Variants in LILRB3 observed in about 807,000 individuals in gnomAD.
LILRB3 encodes the protein leukocyte immunoglobulin-like receptor subfamily B member 3.
A neutral mutation model predicts 68.2 loss-of-function variants in LILRB3; 32 were observed. The observed-to-expected ratio is 0.47, with a 90% CI of 0.35 to 0.63. LILRB3 has a LOEUF of 0.63. LILRB3 is among the 30% of genes least tolerant of loss of function. The probability of loss-of-function intolerance (pLI) is 0.00; values close to 1 mark genes in which losing one functional copy is unlikely to be tolerated. For missense variants in LILRB3, 502 were observed against 791.3 expected (o/e 0.63, Z 4.39); for synonymous variants, 185 against 323.1 (o/e 0.57, Z 4.58).
chr19:54,219,852 C>G lies in LILRB3; in HGVS notation c.1309+303G>C, dbSNP rs921919156. The G allele has an allele frequency of 5.8e-6, 9 of 1,547,362 alleles. No individual in the cohort carries two copies. The African/African-American group carries it at 8.2e-5, about 14-fold the overall frequency. ...CCCTGGACCCCGCCCATCTCCCACT[C>G]AGAGCCCCTCACTCACCATTCTGAG... On this transcript the variant is annotated intron_variant, in intron 7 of 12. Transcript: ENST00000445347.
At chr19:54,216,870 T>G in exon 13 of LILRB3, 1 of 1,427,036 alleles carries the variant, frequency 7.0e-7, no homozygotes, top group Non-Finnish European at 9.1e-7. Flanking sequence ...TTTTTGTTAT[T>G]AACTCATTGA....
Position 54,221,815 on chromosome 19 carries a change from G to A in LILRB3, c.658+13C>T, listed in dbSNP as rs550587817. On this transcript the variant is annotated intron_variant, in intron 4 of 12. Transcript: ENST00000445347. Reference sequence around the variant, plus strand: ...CCCCGAAAGTGTGTTAGACAAGGCCGTGGCTCCCTCACCTGAGGGCAGAAT... The same window carrying A: ...CCCCGAAAGTGTGTTAGACAAGGCCATGGCTCCCTCACCTGAGGGCAGAAT... The A allele has an allele frequency of 1.5e-4, 239 of 1,593,930 alleles. 7 individuals carry two copies. Among genetic ancestry groups the A allele is most frequent in the Admixed American group, 1.3e-3 (77 of 58,840 alleles).
Position 54,218,348 on chromosome 19 carries a change from G to A in LILRB3, c.1593+13C>T. 1.2e-6 allele frequency: 2 copies of A among 1,613,898 alleles called. No homozygotes were observed. The highest frequency in any genetic ancestry group is 2.2e-5 in the South Asian group (2 of 91,068). On this transcript the variant is annotated intron_variant, in intron 11 of 12. Coordinates refer to ENST00000445347, the Ensembl canonical transcript of LILRB3. ...AGGAGGCCTTTGGTGCCTGGGACGGGGCGGGATCTCACCTGACTGTCCAGC... is the reference window on the plus strand; with the variant it reads ...AGGAGGCCTTTGGTGCCTGGGACGGAGCGGGATCTCACCTGACTGTCCAGC...
At chr19:54,222,129 T>C (rs2078247807) in exon 4 of LILRB3, 2 of 1,606,766 alleles carry the variant, frequency 1.2e-6, no homozygotes, top group Non-Finnish European at 8.5e-7. Context: ...TGTTGTAGAA[T>C]CCTAGGAGAG....
At chr19:54,219,331 T>C (rs1363219226) in intron 7 of LILRB3, 86 bp from the exon 8 acceptor site, 13 of 1,491,366 alleles carry the variant, frequency 8.7e-6, no homozygotes, top group Non-Finnish European at 1.2e-5. Flanking sequence ...CTTTCCTTCG[T>C]GACCTCCAAC....
intron 7 of LILRB3, chr19:54,219,830 T>G (rs1479914854): frequency 1.4e-5 from 21 of 1,469,724 alleles, no homozygotes; most frequent in Admixed American, 1.2e-4. Flanking sequence ...CTGCCTCCCC[T>G]GGACCCCGCC....
rs1426330247 is a variant in LILRB3 at position 54,219,264 on chromosome 19, G to T, written c.1310-19C>A. The T allele has an allele frequency of 1.3e-6, 2 of 1,535,716 alleles. No individual in the cohort carries two copies. The highest frequency in any genetic ancestry group is 1.8e-6 in the Non-Finnish European group (2 of 1,141,450). ...CCCAGACCTTGACATGAGGACGTCA[G>T]GAGTGGGAATGATGTCATTGATGTG... is the stretch of plus-strand genomic sequence containing the variant. On this transcript the variant is annotated intron_variant, in intron 7 of 12. Transcript: ENST00000445347.
rs2077773820 is a variant in LILRB3 at position 54,218,966 on chromosome 19, G to GA, written c.1427-129dup. 3.9e-6 allele frequency: 6 copies of GA among 1,532,130 alleles called. 1 individual carries two copies. The highest frequency in any genetic ancestry group is 2.5e-5 in the South Asian group (2 of 80,946). The allele number at this position is 1,532,130 out of a possible 1,614,324, so 94.9% of individuals were successfully genotyped here. A position where few individuals can be genotyped will look rare whatever the true frequency, so the allele number is the denominator to read the frequency against. ...GATGTTCCAAATATTTTATGAGATA[G>GA]AAAAAAACTCCCATGAATACTGAAG... On this transcript the variant is annotated intron_variant, in intron 8 of 12. Coordinates refer to ENST00000445347, the Ensembl canonical transcript of LILRB3.
chr19:54,218,796 T>G lies in LILRB3; in HGVS notation c.1469A>C (p.Glu490Ala), dbSNP rs778477795. 1.1e-5 allele frequency: 17 copies of G among 1,614,108 alleles called. No individual in the cohort carries two copies. In the South Asian group the frequency reaches 1.9e-4, roughly 18 times the overall value. ...CAGGCCCCTGTCCTTGGGCTCTGTC[T>G]CCGCAGCCCCTGCAGGACGCTGGAA... The change falls in exon 9 of 13, where the codon GAG (glutamate) becomes GCG (alanine). Residue 490 changes from glutamate to alanine, a missense_variant. By Grantham distance (107) the Glu-to-Ala change is moderately radical. Around this residue, in one of 8 missense-constraint regions of LILRB3, gnomAD observed 267 missense variants for 245.5 expected, o/e 1.09. Transcript: ENST00000445347.
exon 6 of LILRB3, chr19:54,220,570 G>T (rs1490910902): frequency 7.1e-7 from 1 of 1,406,882 alleles, no homozygotes; most frequent in African/African-American, 1.6e-5. Context: ...AAAGACAGCA[G>T]GTGGGGGTTG....
At chr19:54,219,688 C>G (rs1193624614) in intron 7 of LILRB3, 1 of 984,972 alleles carries the variant, frequency 1.0e-6, no homozygotes, top group African/African-American at 1.7e-5. Flanking sequence ...AGCTGGGGGT[C>G]AGAGCTGAAA....
exon 11 of LILRB3, chr19:54,218,376 C>T: frequency 6.2e-7 from 1 of 1,614,148 alleles, no homozygotes; most frequent in Non-Finnish European, 8.5e-7. Flanking sequence ...TGTCCAGCTC[C>T]ACCCTGTCCT....
exon 10 of LILRB3, chr19:54,218,649 G>A (rs928856422): frequency 1.2e-6 from 2 of 1,614,174 alleles, no homozygotes; most frequent in Non-Finnish European, 1.7e-6. Context: ...TCTTACAGAG[G>A]TTTTCTTCCT....
exon 13 of LILRB3, chr19:54,216,303 TTTTC>T (rs1383825781): frequency 1.3e-5 from 2 of 151,492 alleles, no homozygotes; most frequent in East Asian, 1.9e-4. Flanking sequence ...TTTTTATTTT[TTTTC>T]TTTCTTTTTT....
At position 54,219,259 on chromosome 19, in the gene LILRB3, C is replaced by T. The variant is rs751105494; in HGVS notation, c.1310-14G>A. On this transcript the variant is annotated splice_polypyrimidine_tract_variant and intron_variant, in intron 7 of 12. Transcript: ENST00000445347. ...ATCTTCCCAGACCTTGACATGAGGA[C>T]GTCAGGAGTGGGAATGATGTCATTG... The T allele has an allele frequency of 3.0e-5, 47 of 1,541,266 alleles. No individual in the cohort carries two copies. Among genetic ancestry groups the T allele is most frequent in the African/African-American group, 4.1e-5 (3 of 72,412 alleles).
At chr19:54,219,632 C>T (rs1000270962) in intron 7 of LILRB3, 38 of 1,509,854 alleles carry the variant, frequency 2.5e-5, no homozygotes, top group Middle Eastern at 2.3e-4. Context: ...CCTGTGGAAT[C>T]GGGTCTGGGA....
chr19:54,222,923 T>G lies in LILRB3; in HGVS notation c.34+20A>C. 1 of 1,612,566 alleles carries G rather than the reference T, an allele frequency of 6.2e-7. No homozygotes were observed. The highest frequency in any genetic ancestry group is 8.5e-7 in the Non-Finnish European group (1 of 1,179,874). On this transcript the variant is annotated intron_variant, in intron 1 of 12. Coordinates refer to ENST00000445347, the Ensembl canonical transcript of LILRB3. ...TTCCTCCAAGACTCGGATCTCCCCC[T>G]CCCCATCTTGAAATCTCACCAAGGC...
At chr19:54,217,873 C>A (rs1227654087) in intron 11 of LILRB3, among the ~76,000 whole-genome samples, 6 of 152,168 alleles carry the variant, frequency 3.9e-5, no homozygotes, top group Non-Finnish European at 5.9e-5. Context: ...TCTGCCCTTT[C>A]CCTGGTGTAT....
chr19:54,219,386 C>A, intron 7 of LILRB3, 141 bp from the exon 8 acceptor site: 2 of 1,457,650 alleles, frequency 1.4e-6, no homozygotes, highest in Non-Finnish European at 1.9e-6. Flanking sequence ...CCGTACAACC[C>A]ATTTCACAGA....
Sources: gnomAD v4.1 joint callset for allele counts (sites outside exome capture counted in the v4.1 genomes callset) on GRCh38, gnomAD v4.1.1 for gene constraint, gnomAD v4.1.1 regional missense constraint, MANE v1.5 for transcripts, NCBI Gene and HGNC (gene_info 2026-07-23, HGNC 2026-07-21) for gene names.